The following THSD4 variants were observed in gnomAD, a reference collection of about 807,000 sequenced individuals.
THSD4 encodes the protein thrombospondin type 1 domain containing 4, also known as thrombospondin type-1 domain-containing protein 4.
In THSD4, 69 loss-of-function variants were observed where a neutral mutation model predicts 119.0. The observed-to-expected ratio is 0.58, with a 90% confidence interval of 0.48 to 0.71. The LOEUF (loss-of-function observed/expected upper bound fraction) is 0.71. THSD4 is among the 30% of genes least tolerant of loss of function. The probability of loss-of-function intolerance (pLI) is 0.00; values close to 1 mark genes in which losing one functional copy is unlikely to be tolerated. For missense variants in THSD4, 1,393 were observed against 1,391.1 expected, an observed-to-expected ratio of 1.00 and a Z score of -0.02; for synonymous variants, 524 against 540.4, an observed-to-expected ratio of 0.97 and a Z score of 0.42.
At chr15:71,593,097 G>A (rs1038216449) in intron 7 of THSD4, among the ~76,000 whole-genome samples, 4 of 152,148 alleles carry the variant, frequency 2.6e-5, no homozygotes, top group Non-Finnish European at 4.4e-5. Flanking sequence ...TTTCTATCCT[G>A]TCCCCAGCCT....
At chr15:71,734,567 C>T (rs548807555) in intron 10 of THSD4, among the ~76,000 whole-genome samples, 23 of 152,226 alleles carry the variant, frequency 1.5e-4, no homozygotes, top group Admixed American at 5.9e-4. Flanking sequence ...ATTACACTGG[C>T]GGATGCATGT....
chr15:71,645,975 C>T (rs1264016125), intron 7 of THSD4, among the ~76,000 whole-genome samples: 1 of 152,212 alleles, frequency 6.6e-6, no homozygotes, highest in Non-Finnish European at 1.5e-5. Context: ...GGGTGCTCTG[C>T]ACTTGCTGGC....
chr15:71,413,255 C>T (rs538448936), intron 7 of THSD4, among the ~76,000 whole-genome samples: 107 of 152,338 alleles, frequency 7.0e-4, no homozygotes, highest in Non-Finnish European at 1.3e-3. Flanking sequence ...TCAAGTGATC[C>T]ACCTGCCTTG....
At position 71,765,019 on chromosome 15, in the gene THSD4, G is replaced by A; in HGVS notation, c.2590-1G>A. On this transcript the variant is annotated splice_acceptor_variant, in intron 15 of 17. Transcript: ENST00000261862. LOFTEE classifies it high-confidence loss of function. ...TCATCTTTTTCTGCTTCTTTCTGCA[G>A]TGTTCCATCGAGTGTGGGAGCGGGA... The A allele has an allele frequency of 1.2e-6, 2 of 1,613,108 alleles. No homozygotes were observed. Among genetic ancestry groups the A allele is most frequent in the Non-Finnish European group, 1.7e-6 (2 of 1,179,452 alleles).
At chr15:71,612,416 G>A (rs1259625008) in intron 7 of THSD4, among the ~76,000 whole-genome samples, 1 of 152,184 alleles carries the variant, frequency 6.6e-6, no homozygotes, top group Non-Finnish European at 1.5e-5. Context: ...AAAAGTGGTT[G>A]CACAAAGAGG....
chr15:71,408,163 A>T (rs1276244776), intron 6 of THSD4, among the ~76,000 whole-genome samples: 1 of 77,660 alleles, frequency 1.3e-5, no homozygotes, highest in Non-Finnish European at 3.9e-5. Context: ...ACTTTACTTA[A>T]AGGCAAAAAA....
intron 7 of THSD4, among the ~76,000 whole-genome samples, chr15:71,510,205 G>C (rs1388977604): frequency 6.6e-6 from 1 of 152,150 alleles, no homozygotes; most frequent in Non-Finnish European, 1.5e-5. Flanking sequence ...CTAGTGTCTG[G>C]TAAACACTCA....
chr15:71,242,757 A>G lies in THSD4; in HGVS notation c.573A>G (p.Arg191=), dbSNP rs201562942. The G allele has an allele frequency of 2.3e-4, 365 of 1,614,044 alleles. No homozygotes were observed. The highest frequency in any genetic ancestry group is 3.0e-4 in the Non-Finnish European group (357 of 1,180,032). ...DTAHTPQRLR[R]QKLSSRHSRS... is the part of the protein sequence containing the mutation. ...CACACACGCCACAGAGGCTCCGGAG[A>G]CAGAAGCTCTCATCCCGCCATTCCA... Residue 191 remains arginine, a synonymous_variant, in exon 5 of 18, where the codon AGA becomes AGG. Transcript: ENST00000261862.
intron 1 of THSD4, among the ~76,000 whole-genome samples, chr15:71,125,503 C>T (rs2040446060): frequency 6.6e-6 from 1 of 152,202 alleles, no homozygotes; most frequent in African/African-American, 2.4e-5. Context: ...AGTCACTAAC[C>T]TTTTTAAATG....
chr15:71,581,283 T>C (rs2049553074), intron 7 of THSD4, among the ~76,000 whole-genome samples: 1 of 152,338 alleles, frequency 6.6e-6, no homozygotes, highest in Non-Finnish European at 1.5e-5. Context: ...GGATTCTGGT[T>C]TTGATTTACA....
At chr15:71,294,592 C>T (rs1436398273) in intron 6 of THSD4, among the ~76,000 whole-genome samples, 1 of 152,132 alleles carries the variant, frequency 6.6e-6, no homozygotes, top group Non-Finnish European at 1.5e-5. Flanking sequence ...GTCAAAGCTG[C>T]CATGACCATC....
chr15:71,730,904 A>G (rs1595897424), intron 9 of THSD4: 1 of 537,626 alleles, frequency 1.9e-6, no homozygotes, highest in East Asian at 3.1e-5. Flanking sequence ...TCTTCTTCTG[A>G]TTTGCTCGGC....
chr15:71,602,343 C>T (rs1225218350), intron 7 of THSD4, among the ~76,000 whole-genome samples: 1 of 151,792 alleles, frequency 6.6e-6, no homozygotes, highest in Non-Finnish European at 1.5e-5. Flanking sequence ...CACCTGAGGT[C>T]GGGAGTTCAA....
intron 7 of THSD4, among the ~76,000 whole-genome samples, chr15:71,412,213 G>C (rs1268892869): frequency 6.6e-6 from 1 of 152,182 alleles, no homozygotes; most frequent in East Asian, 1.9e-4. Flanking sequence ...TAAGGGAATG[G>C]CATATTTTAT....
upstream of THSD4, among the ~76,000 whole-genome samples, chr15:71,112,740 A>G (rs567412041): frequency 3.9e-5 from 6 of 152,374 alleles, no homozygotes; most frequent in East Asian, 1.2e-3. Context: ...ATATGCAAGG[A>G]CCACATTCTG....
intron 6 of THSD4, among the ~76,000 whole-genome samples, chr15:71,384,751 A>T (rs2046274954): frequency 6.6e-6 from 1 of 152,230 alleles, no homozygotes; most frequent in South Asian, 2.1e-4. Context: ...AACCATCCAC[A>T]TAACGGCATT....
At chr15:71,297,011 T>C (rs1005702952) in intron 6 of THSD4, among the ~76,000 whole-genome samples, 5 of 152,224 alleles carry the variant, frequency 3.3e-5, no homozygotes, top group Non-Finnish European at 7.3e-5. Flanking sequence ...GCCCCATCCC[T>C]GCTTCCATTA....
chr15:71,732,754 G>T (rs1316833221), intron 10 of THSD4: 2 of 152,166 alleles, frequency 1.3e-5, no homozygotes, highest in Admixed American at 1.3e-4. Flanking sequence ...CCTGAGGAGG[G>T]CCTGTGTGAC....
rs2045528443 is a variant in THSD4, at chr15:71,339,120, T to G, written c.1016-72567T>G. ...TACCCTGAGATCTTTTTGTTAGCTT[T>G]GTGTTCTGCCCTTAAGATATCACTT... is the stretch of plus-strand genomic sequence containing the variant. On this transcript the variant is annotated intron_variant, in intron 6 of 17. Transcript: ENST00000261862. 2.0e-5 allele frequency among the ~76,000 whole-genome samples: 3 copies of G among 152,210 alleles called. No homozygotes were observed. In the South Asian group the frequency reaches 6.2e-4, roughly 31 times the overall value.
Sources: gnomAD v4.1 joint callset for allele counts (sites outside exome capture counted in the v4.1 genomes callset) on GRCh38, gnomAD v4.1.1 for gene constraint, MANE v1.5 for transcripts, NCBI Gene and HGNC (gene_info 2026-07-23, HGNC 2026-07-21) for gene names.